Variants in LGR6 observed in about 807,000 individuals in gnomAD.
LGR6 encodes leucine rich repeat containing G protein-coupled receptor 6.
In LGR6, 45 loss-of-function variants were observed where a neutral mutation model predicts 69.4. That is an observed-to-expected ratio of 0.65 (90% CI 0.51 to 0.83). The LOEUF (loss-of-function observed/expected upper bound fraction) is 0.83. LGR6 is among the 40% of genes least tolerant of loss of function. LGR6 has a pLI of 0.00. For missense variants in LGR6, 1,108 were observed against 1,246.7 expected (o/e 0.89, Z 1.68); for synonymous variants, 538 against 555.0 (o/e 0.97, Z 0.43).
intron 4 of LGR6, among the ~76,000 whole-genome samples, chr1:202,241,712 G>C (rs768922757): frequency 2.1e-4 from 31 of 150,304 alleles, no homozygotes; most frequent in Non-Finnish European, 4.4e-4. Context: ...CAGAAGAAGT[G>C]GGGGCTGCGC....
chr1:202,301,600 T>A (rs1667599938), intron 9 of LGR6, among the ~76,000 whole-genome samples: 2 of 152,236 alleles, frequency 1.3e-5, no homozygotes, highest in African/African-American at 4.8e-5. Context: ...GGTTCTCCTG[T>A]GGCCTTGGAG....
intron 4 of LGR6, among the ~76,000 whole-genome samples, chr1:202,256,643 G>A (rs746788645): frequency 2.0e-5 from 3 of 152,068 alleles, no homozygotes; most frequent in Non-Finnish European, 4.4e-5. Context: ...CTGTTTCCAC[G>A]TTTTGGTTAT....
Position 202,303,280 on chromosome 1 carries a change from T to G in LGR6, c.931T>G (p.Ser311Ala). The change falls in exon 10 of 18, where the codon TCT becomes GCT. Residue 311 changes from serine to alanine, a missense_variant and splice_region_variant. Physicochemically the swap from Ser to Ala is moderately conservative, Grantham distance 99. Coordinates refer to ENST00000367278, the MANE Select transcript of LGR6 (RefSeq NM_001017403.2). ...AGAGCTCATTGTCTCTATTTCCAGA[T>G]CTCTGAATGGTGCCATGGACATCCA... is the stretch of plus-strand genomic sequence containing the variant. ...FQYLPKLHTL[S>A]LNGAMDIQEF... The G allele has an allele frequency of 6.2e-7, 1 of 1,612,922 alleles. No individual in the cohort carries two copies. The highest frequency in any genetic ancestry group is 8.5e-7 in the Non-Finnish European group (1 of 1,178,892).
chr1:202,278,699 G>A (rs768828560), intron 5 of LGR6, among the ~76,000 whole-genome samples: 1 of 152,134 alleles, frequency 6.6e-6, no homozygotes, highest in Non-Finnish European at 1.5e-5. Context: ...AGGAAGACTG[G>A]ATATGATGGG....
intron 4 of LGR6, among the ~76,000 whole-genome samples, chr1:202,273,811 C>G (rs1665316111): frequency 1.3e-5 from 2 of 152,138 alleles, no homozygotes; most frequent in Admixed American, 1.3e-4. Flanking sequence ...CCCATCCACA[C>G]TGGACCTGCA....
chr1:202,279,293 C>T (rs767089994), intron 5 of LGR6, among the ~76,000 whole-genome samples: 4 of 152,154 alleles, frequency 2.6e-5, no homozygotes, highest in Non-Finnish European at 5.9e-5. Flanking sequence ...TCTCCTGAAA[C>T]GGAACTTCAT....
chr1:202,292,037 AG>A (rs1666832834), intron 6 of LGR6, among the ~76,000 whole-genome samples: 4 of 152,292 alleles, frequency 2.6e-5, no homozygotes, highest in African/African-American at 9.6e-5. Context: ...ATGTGGGGAA[AG>A]GGTATTTCAG....
At chr1:202,299,951 C>T (rs962163592) in intron 7 of LGR6, among the ~76,000 whole-genome samples, 1 of 152,242 alleles carries the variant, frequency 6.6e-6, no homozygotes, top group African/African-American at 2.4e-5. Context: ...CTCCCAGACT[C>T]TCAGCTGGGT....
At chr1:202,307,913 C>T (rs1653381665) in intron 14 of LGR6, among the ~76,000 whole-genome samples, 1 of 152,172 alleles carries the variant, frequency 6.6e-6, no homozygotes, top group Non-Finnish European at 1.5e-5. Context: ...TATGTCAGGG[C>T]TGGAAGGGGC....
intron 4 of LGR6, among the ~76,000 whole-genome samples, chr1:202,263,907 T>A (rs1197526564): frequency 6.6e-6 from 1 of 152,128 alleles, no homozygotes; most frequent in Non-Finnish European, 1.5e-5. Flanking sequence ...AGGGAAGGGA[T>A]CTTGAAGCCC....
Position 202,295,327 on chromosome 1 carries a change from C to CAAA in LGR6, c.717-2161_717-2159dup, listed in dbSNP as rs58243962. Among the ~76,000 whole-genome samples, 90 of 45,228 alleles carry CAAA rather than the reference C, an allele frequency of 2.0e-3. 2 individuals are homozygous for CAAA. The highest frequency in any genetic ancestry group is 5.4e-3 in the East Asian group (10 of 1,854). The allele number at this position is 45,228 out of a possible 152,430, so 29.7% of individuals were successfully genotyped here. On this transcript the variant is annotated intron_variant, in intron 6 of 17. Coordinates refer to ENST00000367278, the MANE Select transcript of LGR6 (RefSeq NM_001017403.2). ...CAGGCGACAGAGCAAGACTCCATCTCAAAAAAAAAAAAAAAAAAAAAAGAC... is the reference window on the plus strand; with the variant it reads ...CAGGCGACAGAGCAAGACTCCATCTCAAAAAAAAAAAAAAAAAAAAAAAAAGAC...
At chr1:202,260,925 T>G (rs1471682306) in intron 4 of LGR6, among the ~76,000 whole-genome samples, 1 of 152,178 alleles carries the variant, frequency 6.6e-6, no homozygotes, top group African/African-American at 2.4e-5. Context: ...GAGAGCATAT[T>G]TTTTCTTTAT....
At chr1:202,263,657 G>C (rs1028773588) in intron 4 of LGR6, among the ~76,000 whole-genome samples, 3 of 152,146 alleles carry the variant, frequency 2.0e-5, no homozygotes, top group Non-Finnish European at 4.4e-5. Flanking sequence ...CTGAGTATAG[G>C]AGGGAACAGC....
intron 1 of LGR6, chr1:202,214,001 C>A: frequency 2.1e-6 from 2 of 969,354 alleles, no homozygotes; most frequent in Non-Finnish European, 2.5e-6. Context: ...CTCTGATGAA[C>A]CAAATAGTTC....
intron 4 of LGR6, among the ~76,000 whole-genome samples, chr1:202,273,263 A>G (rs1484151377): frequency 2.0e-5 from 3 of 152,144 alleles, no homozygotes; most frequent in African/African-American, 7.2e-5. Flanking sequence ...TTGTCACTGT[A>G]GGGATGTTCT....
At chr1:202,288,940 G>A (rs1250285100) in intron 6 of LGR6, among the ~76,000 whole-genome samples, 1 of 152,188 alleles carries the variant, frequency 6.6e-6, no homozygotes, top group African/African-American at 2.4e-5. Context: ...AGGTGAGAGG[G>A]ATGTTGCCTA....
intron 1 of LGR6, chr1:202,214,367 T>G (rs1200070048): frequency 1.8e-4 from 174 of 957,968 alleles, no homozygotes; most frequent in Non-Finnish European, 4.4e-6. Flanking sequence ...CCTTCCATTG[T>G]TCTGGGAGCC....
In LGR6 at chr1:202,235,922, G is replaced by T. The variant is rs751417882; in HGVS notation, c.357G>T (p.Leu119=). The change falls in exon 4 of 18, where the codon CTG becomes CTT. Residue 119 remains leucine (L), a splice_region_variant and synonymous_variant. Coordinates refer to ENST00000367278, the MANE Select transcript of LGR6 (RefSeq NM_001017403.2). ...AFSGLYSLKI[L]MLQNNQLGGI... The stretch of plus-strand genomic sequence containing the variant: ...TAAAGCCCTTTCTCTTCTCCCGTAG[G>T]ATGCTGCAGAACAATCAGCTGGGAG... The T allele has an allele frequency of 3.1e-6, 5 of 1,613,992 alleles. No individual in the cohort carries two copies. Among genetic ancestry groups the T allele is most frequent in the Non-Finnish European group, 4.2e-6 (5 of 1,179,960 alleles).
At chr1:202,280,440 A>C (rs1373200046) in intron 5 of LGR6, among the ~76,000 whole-genome samples, 1 of 152,186 alleles carries the variant, frequency 6.6e-6, no homozygotes, top group African/African-American at 2.4e-5. Flanking sequence ...TGGGGAGCCC[A>C]GCCATAGAAG....
Sources: allele counts gnomAD v4.1 joint callset (sites outside exome capture counted in the v4.1 genomes callset), GRCh38; gene constraint gnomAD v4.1.1; transcripts MANE v1.5; gene names NCBI Gene and HGNC (gene_info 2026-07-23, HGNC 2026-07-21).